The following ANKRD18B variants were observed in gnomAD, a reference collection of about 807,000 sequenced individuals.
ANKRD18B encodes ankyrin repeat domain-containing protein 18B.
Under a neutral mutation model 111.8 loss-of-function variants are expected in ANKRD18B, and 75 were observed. The ratio of observed to expected loss-of-function variants is 0.67; its 90% CI spans 0.56 to 0.81. The LOEUF is 0.81. Ranked by LOEUF, ANKRD18B falls within the 40% of genes least tolerant of loss-of-function variation. The probability of loss-of-function intolerance (pLI) is 0.00; values close to 1 mark genes in which losing one functional copy is unlikely to be tolerated. For synonymous variants in ANKRD18B, 356 were observed against 417.3 expected (o/e 0.85, Z 1.79); for missense variants, 1,038 against 1,225.5 (o/e 0.85, Z 2.28).
At chr9:33,560,180 C>T (rs1308608507) in intron 14 of ANKRD18B, among the ~76,000 whole-genome samples, 3 of 152,144 alleles carry the variant, frequency 2.0e-5, no homozygotes, top group Non-Finnish European at 4.4e-5. Context: ...AAAAATTAGC[C>T]ATGTGGACCC....
At chr9:33,561,183 A>C (rs1828601370) in intron 14 of ANKRD18B, among the ~76,000 whole-genome samples, 2 of 152,014 alleles carry the variant, frequency 1.3e-5, no homozygotes, top group Non-Finnish European at 2.9e-5. Context: ...ATTTCTTTAC[A>C]TTTTCCCTAA....
intron 9 of ANKRD18B, among the ~76,000 whole-genome samples, chr9:33,542,675 AC>A (rs1828297547): frequency 6.6e-6 from 1 of 152,100 alleles, no homozygotes; most frequent in Admixed American, 6.6e-5. Context: ...TCCCCAGCCT[AC>A]ATTCTGAGTC....
At chr9:33,547,750 AC>A (rs1828381746) in intron 10 of ANKRD18B, among the ~76,000 whole-genome samples, 187 bp from the exon 11 acceptor site, 1 of 151,064 alleles carries the variant, frequency 6.6e-6, no homozygotes, top group Non-Finnish European at 1.5e-5. Flanking sequence ...GACTTCAAAT[AC>A]ATTTTTGAAC....
intron 14 of ANKRD18B, among the ~76,000 whole-genome samples, chr9:33,559,672 A>C (rs1420196092): frequency 6.6e-6 from 1 of 152,104 alleles, no homozygotes; most frequent in African/African-American, 2.4e-5. Flanking sequence ...ATATATGTAT[A>C]TATTTTTCTA....
intron 13 of ANKRD18B, among the ~76,000 whole-genome samples, chr9:33,556,217 C>A (rs140936080): frequency 0.041 from 6,208 of 152,146 alleles, 144 homozygotes; most frequent in East Asian, 0.061. Flanking sequence ...AAACTTACAA[C>A]ACAATCTGAA....
chr9:33,563,333 C>T (rs1487195524), intron 14 of ANKRD18B, among the ~76,000 whole-genome samples: 1 of 152,190 alleles, frequency 6.6e-6, no homozygotes, highest in South Asian at 2.1e-4. Context: ...GTCTCTGCTC[C>T]CCTCAGCTTC....
intron 10 of ANKRD18B, among the ~76,000 whole-genome samples, 191 bp downstream of exon 10, chr9:33,543,446 A>G (rs1206313909): frequency 1.3e-5 from 2 of 152,216 alleles, no homozygotes; most frequent in Non-Finnish European, 2.9e-5. Flanking sequence ...ATAGTAAATC[A>G]TAGCTATCTG....
chr9:33,569,167 T>TA (rs1404091783), intron 17 of ANKRD18B: 1 of 287,632 alleles, frequency 3.5e-6, no homozygotes, highest in East Asian at 7.1e-5. Flanking sequence ...TGTTAGGTTT[T>TA]AAAAAATGCA....
chr9:33,565,668 T>G (rs1828673843), intron 14 of ANKRD18B, among the ~76,000 whole-genome samples: 2 of 152,108 alleles, frequency 1.3e-5, no homozygotes, highest in Non-Finnish European at 2.9e-5. Context: ...GATGGGGGTC[T>G]CACTATGTTG....
chr9:33,552,194 A>G (rs1423158441), intron 12 of ANKRD18B, among the ~76,000 whole-genome samples: 1 of 152,252 alleles, frequency 6.6e-6, no homozygotes, highest in Non-Finnish European at 1.5e-5. Context: ...TAGCAATTAA[A>G]TATGAAATTA....
intron 6 of ANKRD18B, among the ~76,000 whole-genome samples, chr9:33,539,105 T>C (rs1828242556): frequency 6.6e-6 from 1 of 152,242 alleles, no homozygotes; most frequent in Non-Finnish European, 1.5e-5. Flanking sequence ...ATAATAACTA[T>C]CATGTATCTG....
chr9:33,557,330 G>A (rs929711569), intron 13 of ANKRD18B, among the ~76,000 whole-genome samples: 12 of 151,954 alleles, frequency 7.9e-5, no homozygotes, highest in African/African-American at 2.9e-4. Context: ...CTTATAGACT[G>A]TGGTCAACGG....
chr9:33,528,997 T>C lies in ANKRD18B; in HGVS notation c.322-3T>C, dbSNP rs1019409848. 8 of 1,612,386 alleles carry C rather than the reference T, an allele frequency of 5.0e-6. No homozygotes were observed. In the African/African-American group the frequency reaches 6.7e-5, roughly 13 times the overall value. On this transcript the variant is annotated splice_region_variant and splice_polypyrimidine_tract_variant and intron_variant, in intron 2 of 18. Coordinates refer to ENST00000684830, the MANE Select transcript of ANKRD18B (RefSeq NM_001393611.1). ...AGTCTAGTTTTTTATCTAACACTAA[T>C]AGGCTGTACACTGCCAGGAAGAGGC...
At chr9:33,547,036 G>T (rs1157613353) in intron 10 of ANKRD18B, among the ~76,000 whole-genome samples, 1 of 152,122 alleles carries the variant, frequency 6.6e-6, no homozygotes, top group Non-Finnish European at 1.5e-5. Flanking sequence ...AAGGAGAAAA[G>T]GCAGTGGGGA....
intron 12 of ANKRD18B, among the ~76,000 whole-genome samples, chr9:33,555,471 CA>C (rs957110488): frequency 3.3e-5 from 5 of 152,066 alleles, no homozygotes; most frequent in African/African-American, 1.2e-4. Flanking sequence ...TCATTTTTAA[CA>C]AACATTTTTG....
At chr9:33,551,591 CCTT>C (rs1296915307) in intron 12 of ANKRD18B, among the ~76,000 whole-genome samples, 1 of 151,926 alleles carries the variant, frequency 6.6e-6, no homozygotes, top group Non-Finnish European at 1.5e-5. Flanking sequence ...GTAGTTTATT[CCTT>C]CTTATTGTCA....
chr9:33,524,727 G>T (rs3843934), intron 1 of ANKRD18B, 32 bp downstream of exon 1: 1,228,713 of 1,536,658 alleles, frequency 0.8, 493,673 homozygotes, highest in East Asian at 0.89. Context: ...GTGGGAGGGG[G>T]CCCCCAGGCC....
intron 10 of ANKRD18B, among the ~76,000 whole-genome samples, chr9:33,546,561 A>G (rs1404004189): frequency 3.3e-5 from 5 of 152,154 alleles, no homozygotes; most frequent in Non-Finnish European, 7.4e-5. Context: ...ACAAAAATCT[A>G]GAGATTTTCT....
chr9:33,545,716 G>A (rs1416887985), intron 10 of ANKRD18B, among the ~76,000 whole-genome samples: 3 of 152,176 alleles, frequency 2.0e-5, no homozygotes, highest in Non-Finnish European at 4.4e-5. Context: ...AGCAAGATAT[G>A]CAAAGGCTTA....
Sources: allele counts gnomAD v4.1 joint callset (sites outside exome capture counted in the v4.1 genomes callset), GRCh38; gene constraint gnomAD v4.1.1; transcripts MANE v1.5; gene names NCBI Gene and HGNC (gene_info 2026-07-23, HGNC 2026-07-21).